The following ESR1 variants were observed in gnomAD, a reference collection of about 807,000 sequenced individuals.
The protein encoded by ESR1 is estrogen receptor 1.
In ESR1, 12 loss-of-function variants were observed where a neutral mutation model predicts 52.7. The ratio of observed to expected loss-of-function variants is 0.23; its 90% CI spans 0.15 to 0.37. ESR1 has a LOEUF of 0.37. ESR1 is among the 10% of genes least tolerant of loss of function. The pLI, the probability that ESR1 is intolerant of heterozygous loss-of-function variation, is 1.00. For synonymous variants in ESR1, 305 were observed against 316.8 expected (o/e 0.96, Z 0.39); for missense variants, 584 against 779.7 (o/e 0.75, Z 2.99).
intron 2 of ESR1, among the ~76,000 whole-genome samples, chr6:151,743,344 G>A (rs1783239335): frequency 6.6e-6 from 1 of 152,176 alleles, no homozygotes; most frequent in Non-Finnish European, 1.5e-5. Flanking sequence ...TCCGTCTCCT[G>A]ATGTGCCTCA....
chr6:152,100,378 G>A lies in ESR1; in HGVS notation c.*1412G>A. On this transcript the variant is annotated 3_prime_UTR_variant, in exon 8 of 8. Transcript: ENST00000206249. ...TGGTTTAGAGATAATCCAAAATCAG[G>A]GTTTGGTTTGGGGAAGAAAATCCTC... 1 of 318,614 alleles carries A rather than the reference G, an allele frequency of 3.1e-6. No homozygotes were observed. Among genetic ancestry groups the A allele is most frequent in the Non-Finnish European group, 5.7e-6 (1 of 174,570 alleles). 19.7% of individuals were successfully genotyped at this position (318,614 alleles called of 1,614,324 possible). A position where few individuals can be genotyped will look rare whatever the true frequency, so the allele number is the denominator to read the frequency against.
intron 4 of ESR1, among the ~76,000 whole-genome samples, chr6:151,954,930 A>G (rs915910991): frequency 6.6e-6 from 1 of 152,218 alleles, no homozygotes; most frequent in African/African-American, 2.4e-5. Context: ...ATCCAGACCA[A>G]TGCCGCCTTT....
chr6:152,016,284 A>G (rs2043166064), intron 5 of ESR1, among the ~76,000 whole-genome samples: 1 of 152,116 alleles, frequency 6.6e-6, no homozygotes, highest in Non-Finnish European at 1.5e-5. Flanking sequence ...TAGCAGCATG[A>G]GAACAAACTA....
intron 1 of ESR1, among the ~76,000 whole-genome samples, chr6:151,822,687 C>T (rs2128193654): frequency 6.6e-6 from 1 of 152,316 alleles, no homozygotes; most frequent in African/African-American, 2.4e-5. Flanking sequence ...CCTCATGACG[C>T]TGTGCCAGGG....
chr6:151,710,885 CT>C (rs1431041024), intron 2 of ESR1, among the ~76,000 whole-genome samples: 1 of 152,116 alleles, frequency 6.6e-6, no homozygotes, highest in Admixed American at 6.6e-5. Context: ...TGAACTCATC[CT>C]TTTTAATGGC....
exon 7 of ESR1, chr6:152,125,439 C>G (rs2053062533): frequency 1.4e-6 from 2 of 1,439,728 alleles, no homozygotes; most frequent in Non-Finnish European, 1.8e-6. Flanking sequence ...AGTTACATGA[C>G]CATGGGCAAG....
At chr6:151,810,282 A>AT (rs1242947952) in intron 1 of ESR1, among the ~76,000 whole-genome samples, 1 of 151,944 alleles carries the variant, frequency 6.6e-6, no homozygotes, top group African/African-American at 2.4e-5. Context: ...GAACTTAAAA[A>AT]TTAAAAAAAA....
chr6:151,984,825 C>A (rs2040305466), intron 4 of ESR1, among the ~76,000 whole-genome samples: 1 of 152,012 alleles, frequency 6.6e-6, no homozygotes, highest in African/African-American at 2.4e-5. Context: ...TCTTTGAATT[C>A]TAAATATTAT....
At chr6:151,678,062 A>G (rs907665779) in intron 1 of ESR1, among the ~76,000 whole-genome samples, 1 of 152,216 alleles carries the variant, frequency 6.6e-6, no homozygotes, top group Admixed American at 6.5e-5. Flanking sequence ...TAGGTGTGTG[A>G]GGCACATGTA....
chr6:152,076,113 C>G (rs137934936), intron 6 of ESR1, among the ~76,000 whole-genome samples: 1 of 152,154 alleles, frequency 6.6e-6, no homozygotes, highest in Admixed American at 6.5e-5. Flanking sequence ...GCTCTGTGTC[C>G]CCACCCAAAT....
chr6:151,772,302 A>G (rs1271615750), intron 2 of ESR1, among the ~76,000 whole-genome samples: 2 of 152,210 alleles, frequency 1.3e-5, no homozygotes, highest in African/African-American at 4.8e-5. Flanking sequence ...CCCTTCCAAC[A>G]TATGCACCAA....
chr6:151,811,183 G>A (rs1034869022), intron 1 of ESR1: 3 of 152,130 alleles, frequency 2.0e-5, no homozygotes, highest in African/African-American at 4.8e-5. Flanking sequence ...TTCTCTGGAC[G>A]CATAATAATG....
chr6:151,897,874 T>G (rs903779384), intron 3 of ESR1, among the ~76,000 whole-genome samples: 2 of 152,226 alleles, frequency 1.3e-5, no homozygotes, highest in African/African-American at 4.8e-5. Context: ...CGTGTAGTCA[T>G]GTAGTGCTGG....
chr6:151,833,937 A>G (rs1782848335), intron 1 of ESR1, among the ~76,000 whole-genome samples: 1 of 152,204 alleles, frequency 6.6e-6, no homozygotes, highest in African/African-American at 2.4e-5. Flanking sequence ...GCCAACAAAC[A>G]TATGAAAAAA....
intron 1 of ESR1, among the ~76,000 whole-genome samples, chr6:151,661,824 C>T (rs1451121380): frequency 6.6e-6 from 1 of 152,148 alleles, no homozygotes; most frequent in Non-Finnish European, 1.5e-5. Flanking sequence ...CCTTTCTCTC[C>T]CTCTCTCTCC....
intron 5 of ESR1, among the ~76,000 whole-genome samples, chr6:152,057,438 A>G (rs938398003): frequency 6.6e-6 from 1 of 152,164 alleles, no homozygotes; most frequent in Non-Finnish European, 1.5e-5. Context: ...CCATTGAAAA[A>G]CAGGGTGATT....
intron 3 of ESR1, among the ~76,000 whole-genome samples, chr6:151,898,852 C>T (rs899533311): frequency 1.3e-5 from 2 of 152,226 alleles, no homozygotes; most frequent in Admixed American, 1.3e-4. Context: ...CCCCACCTTT[C>T]CCCCCTTTCT....
chr6:152,096,673 C>G (rs1227459816), intron 7 of ESR1: 2 of 455,866 alleles, frequency 4.4e-6, no homozygotes, highest in Non-Finnish European at 8.8e-6. Context: ...CCCAAGGATT[C>G]CTGTGTAACA....
chr6:151,973,790 C>T (rs974451412), intron 4 of ESR1, among the ~76,000 whole-genome samples: 2 of 152,150 alleles, frequency 1.3e-5, no homozygotes, highest in Non-Finnish European at 2.9e-5. Context: ...GTAAATGCTT[C>T]CTGAATAGAT....
Sources: gnomAD v4.1 joint callset for allele counts (sites outside exome capture counted in the v4.1 genomes callset) on GRCh38, gnomAD v4.1.1 for gene constraint, MANE v1.5 for transcripts, NCBI Gene and HGNC (gene_info 2026-07-23, HGNC 2026-07-21) for gene names.